IGFL4: variants seen among roughly 807,000 people sequenced by gnomAD.
IGFL4 encodes IGF like family member 4.
IGFL4 carries 12 observed loss-of-function variants against 15.4 expected under a neutral mutation model. The observed-to-expected ratio is 0.78, with a 90% CI of 0.50 to 1.26. The LOEUF (loss-of-function observed/expected upper bound fraction) is 1.26, where lower values mean the gene tolerates loss of function less well. Ranked by LOEUF, IGFL4 falls within the 50% of genes most tolerant of loss-of-function variation. The pLI is 0.00. For missense variants in IGFL4, 126 were observed against 147.8 expected, an observed-to-expected ratio of 0.85 and a Z score of 0.76; for synonymous variants, 54 against 55.9, an observed-to-expected ratio of 0.97 and a Z score of 0.16.
At chr19:46,041,933 A>C (rs993859186), upstream of IGFL4, among the ~76,000 whole-genome samples, 2 of 149,834 alleles carry the variant, frequency 1.3e-5, no homozygotes, top group Admixed American at 1.3e-4. Flanking sequence ...TTGCCCCCCA[A>C]GTTGAAGCCA....
chr19:46,070,598 C>T (rs1394466578), intron 1 of IGFL4, among the ~76,000 whole-genome samples: 3 of 152,082 alleles, frequency 2.0e-5, no homozygotes, highest in Non-Finnish European at 4.4e-5. Flanking sequence ...CAGCTCAAAA[C>T]GCCCAATCCC....
chr19:46,046,505 G>A (rs981126466), intron 2 of IGFL4, among the ~76,000 whole-genome samples: 3 of 152,126 alleles, frequency 2.0e-5, no homozygotes, highest in Admixed American at 6.6e-5. Flanking sequence ...TACTGTCTTC[G>A]AGAGACCCAT....
upstream of IGFL4, among the ~76,000 whole-genome samples, chr19:46,041,838 T>C (rs1397835281): frequency 8.1e-5 from 2 of 24,556 alleles, no homozygotes; most frequent in African/African-American, 2.2e-4. Context: ...CCTCTCTCTC[T>C]TTTTTTTTTT....
chr19:46,059,482 CA>C (rs1292037754), intron 2 of IGFL4: 2 of 152,078 alleles, frequency 1.3e-5, no homozygotes, highest in Admixed American at 1.3e-4. Flanking sequence ...CGAGTTCTGA[CA>C]AAAGGTGGTA....
intron 2 of IGFL4, chr19:46,060,080 T>A (rs1969430275): frequency 6.6e-6 from 1 of 152,244 alleles, no homozygotes; most frequent in Non-Finnish European, 1.5e-5. Context: ...AATCAAAGCT[T>A]TGGTAAAATC....
At chr19:46,054,616 T>C (rs888060163) in intron 2 of IGFL4, among the ~76,000 whole-genome samples, 1 of 152,164 alleles carries the variant, frequency 6.6e-6, no homozygotes, top group Non-Finnish European at 1.5e-5. Context: ...TTCATATCTC[T>C]ACTTTCTCAA....
chr19:46,067,296 C>T (rs1288479985), intron 1 of IGFL4, among the ~76,000 whole-genome samples: 1 of 152,166 alleles, frequency 6.6e-6, no homozygotes, highest in Non-Finnish European at 1.5e-5. Context: ...CGCTGTTTTC[C>T]TCATTGCCTC....
chr19:46,068,921 A>G (rs966703588), intron 1 of IGFL4, among the ~76,000 whole-genome samples: 1 of 152,192 alleles, frequency 6.6e-6, no homozygotes, highest in Non-Finnish European at 1.5e-5. Flanking sequence ...GTTCTCACCA[A>G]GTGAATATCT....
At chr19:46,043,439 A>C (rs976615145), upstream of IGFL4, among the ~76,000 whole-genome samples, 4 of 152,228 alleles carry the variant, frequency 2.6e-5, no homozygotes, top group African/African-American at 4.8e-5. Context: ...AGATAGAAGC[A>C]AAATAATTCT....
intron 1 of IGFL4, among the ~76,000 whole-genome samples, chr19:46,066,852 C>T (rs1228024080): frequency 6.6e-6 from 1 of 152,218 alleles, no homozygotes; most frequent in African/African-American, 2.4e-5. Context: ...AGAGGACATT[C>T]AACCTATATC....
chr19:46,066,288 C>T (rs896603552), intron 1 of IGFL4, among the ~76,000 whole-genome samples: 5 of 152,074 alleles, frequency 3.3e-5, no homozygotes, highest in Admixed American at 6.5e-5. Flanking sequence ...CAAGTGTTAC[C>T]CAAAACATAC....
intron 2 of IGFL4, among the ~76,000 whole-genome samples, chr19:46,049,671 T>C (rs536908688): frequency 2.6e-5 from 4 of 152,194 alleles, no homozygotes; most frequent in South Asian, 4.1e-4. Context: ...CCCCACCTGA[T>C]TTTCTCTATC....
intron 2 of IGFL4, chr19:46,058,042 A>G (rs1350582776): frequency 6.6e-6 from 1 of 152,124 alleles, no homozygotes; most frequent in African/African-American, 2.4e-5. Flanking sequence ...AAAACCAATC[A>G]TACCTTCCCC....
chr19:46,062,607 T>C (rs772801084), intron 1 of IGFL4: 9 of 152,214 alleles, frequency 5.9e-5, no homozygotes, highest in Non-Finnish European at 1.3e-4. Context: ...TCTTTCAACA[T>C]GTGGTCTCTG....
At chr19:46,073,768 C>T (rs550516625) in intron 1 of IGFL4, among the ~76,000 whole-genome samples, 2 of 152,278 alleles carry the variant, frequency 1.3e-5, no homozygotes, top group East Asian at 3.9e-4. Flanking sequence ...CAGTCAGGAT[C>T]CTCAATCCTG....
chr19:46,046,824 C>T (rs535538554), intron 2 of IGFL4, among the ~76,000 whole-genome samples: 24 of 152,264 alleles, frequency 1.6e-4, no homozygotes, highest in Non-Finnish European at 4.4e-5. Context: ...ACTTTAACAC[C>T]CACTGTCAAT....
intron 2 of IGFL4, among the ~76,000 whole-genome samples, chr19:46,047,038 T>A (rs1568711265): frequency 6.6e-6 from 1 of 152,042 alleles, no homozygotes; most frequent in African/African-American, 2.4e-5. Flanking sequence ...AGAACTGAAG[T>A]CATAACAAAC....
chr19:46,042,665 G>C (rs1300066746), upstream of IGFL4, among the ~76,000 whole-genome samples: 1 of 152,240 alleles, frequency 6.6e-6, no homozygotes, highest in African/African-American at 2.4e-5. Flanking sequence ...GGGAAAGAAA[G>C]AGCCACAGGT....
Position 46,040,388 on chromosome 19 carries a change from C to G in IGFL4, c.99G>C (p.Ala33=). 6.2e-7 allele frequency: 1 copy of G among 1,614,178 alleles called. No homozygotes were observed. The change falls in exon 3 of 4, where the codon GCG becomes GCC. Residue 33 remains alanine (A), a synonymous_variant. Coordinates refer to ENST00000377697, the MANE Select transcript of IGFL4 (RefSeq NM_001002923.3). This position sits in a 1 kb window ranked among gnomAD's most constrained non-coding sequence, Gnocchi z 4.1. ...TDLRLWLCQP[A]PRCGEWTYNP... is the part of the protein sequence containing the mutation. ...TGTAGGTCCACTCCCCGCACCTGGGCGCTGGCTGGCATAGCCACAGTCTAA... is the reference window on the plus strand; with the variant it reads ...TGTAGGTCCACTCCCCGCACCTGGGGGCTGGCTGGCATAGCCACAGTCTAA...
Sources: gnomAD v4.1 joint callset for allele counts (sites outside exome capture counted in the v4.1 genomes callset) on GRCh38, gnomAD v4.1.1 for gene constraint, Gnocchi (gnomAD v3.1) non-coding constraint, MANE v1.5 for transcripts, NCBI Gene and HGNC (gene_info 2026-07-23, HGNC 2026-07-21) for gene names.